KCNH5: variants seen among roughly 807,000 people sequenced by gnomAD.
KCNH5 encodes potassium voltage-gated channel subfamily H member 5, also known as voltage-gated delayed rectifier potassium channel KCNH5.
KCNH5 carries 46 observed loss-of-function variants against 96.1 expected under a neutral mutation model. That is an observed-to-expected ratio of 0.48 (90% CI 0.38 to 0.61). The LOEUF is 0.61. Among genes scored for constraint, KCNH5 ranks in the 20% least tolerant of loss-of-function variants. The pLI is 0.00. For synonymous variants in KCNH5, 439 were observed against 449.8 expected, an observed-to-expected ratio of 0.98 and a Z score of 0.30; for missense variants, 907 against 1,225.8, an observed-to-expected ratio of 0.74 and a Z score of 3.88.
At chr14:63,014,282 G>T (rs966301273) in intron 2 of KCNH5, among the ~76,000 whole-genome samples, 1 of 138,022 alleles carries the variant, frequency 7.2e-6, no homozygotes. Flanking sequence ...ATGCTATCCA[G>T]AGCATGTGAG....
At chr14:62,998,973 C>T (rs1890960887) in intron 4 of KCNH5, among the ~76,000 whole-genome samples, 1 of 152,098 alleles carries the variant, frequency 6.6e-6, no homozygotes, top group African/African-American at 2.4e-5. Context: ...AGCATTAAAC[C>T]TAAATATTGC....
chr14:62,767,575 GA>G (rs1463140844), intron 10 of KCNH5, among the ~76,000 whole-genome samples: 2 of 152,194 alleles, frequency 1.3e-5, no homozygotes, highest in Non-Finnish European at 2.9e-5. Flanking sequence ...CGCAGAAACA[GA>G]AAATCAAATA....
chr14:62,753,716 C>T (rs1291620334), intron 10 of KCNH5, among the ~76,000 whole-genome samples: 1 of 151,958 alleles, frequency 6.6e-6, no homozygotes, highest in Admixed American at 6.6e-5. Flanking sequence ...AGAAAAAAAC[C>T]CTTTTACCCT....
intron 7 of KCNH5, among the ~76,000 whole-genome samples, chr14:62,935,583 C>A (rs982359859): frequency 6.6e-6 from 1 of 152,266 alleles, no homozygotes; most frequent in South Asian, 2.1e-4. Context: ...AAAGGCTTCT[C>A]TTCTTCCTCT....
At chr14:62,772,010 A>AT (rs1885997492) in intron 10 of KCNH5, among the ~76,000 whole-genome samples, 3 of 151,966 alleles carry the variant, frequency 2.0e-5, no homozygotes, top group Admixed American at 2.0e-4. Flanking sequence ...AATCTTAGTT[A>AT]TTTTTTTCTT....
At chr14:62,844,213 A>AT (rs1210928926) in intron 8 of KCNH5, among the ~76,000 whole-genome samples, 1 of 151,990 alleles carries the variant, frequency 6.6e-6, no homozygotes, top group Non-Finnish European at 1.5e-5. Context: ...GCTTTTTCTG[A>AT]TTTTTTTCAA....
intron 7 of KCNH5, among the ~76,000 whole-genome samples, chr14:62,940,407 C>T: frequency 6.6e-6 from 1 of 152,130 alleles, no homozygotes; most frequent in East Asian, 1.9e-4. Flanking sequence ...TCCTGGATTG[C>T]TGCAACAGTC....
At chr14:62,820,598 T>G (rs1296934892) in intron 8 of KCNH5, among the ~76,000 whole-genome samples, 2 of 152,170 alleles carry the variant, frequency 1.3e-5, no homozygotes, top group Non-Finnish European at 2.9e-5. Context: ...GTATTTGGTT[T>G]TCTGTTTCTG....
At chr14:63,001,566 G>A in intron 3 of KCNH5, 107 bp from the exon 4 acceptor site, 1 of 1,008,290 alleles carries the variant, frequency 9.9e-7, no homozygotes. Flanking sequence ...AGCTGTGCCA[G>A]GAATCAACAC....
intron 10 of KCNH5, chr14:62,712,453 T>G: frequency 1.7e-6 from 1 of 587,774 alleles, no homozygotes; most frequent in South Asian, 2.0e-5. Context: ...ATTATTCTTT[T>G]ATCACAGAGA....
intron 9 of KCNH5, among the ~76,000 whole-genome samples, chr14:62,800,989 T>C (rs1886648411): frequency 6.6e-6 from 1 of 152,090 alleles, no homozygotes; most frequent in African/African-American, 2.4e-5. Flanking sequence ...ATATTATTTA[T>C]ATGCAGTTAA....
At chr14:62,727,595 T>C (rs1884956742) in intron 10 of KCNH5, among the ~76,000 whole-genome samples, 1 of 152,034 alleles carries the variant, frequency 6.6e-6, no homozygotes, top group South Asian at 2.1e-4. Context: ...ATAATAAGTG[T>C]TTGTCCCATC....
chr14:62,865,796 G>A (rs183489609), intron 7 of KCNH5, among the ~76,000 whole-genome samples: 6 of 152,232 alleles, frequency 3.9e-5, no homozygotes, highest in African/African-American at 1.4e-4. Flanking sequence ...GAGCTACCTT[G>A]TGCATTGCTT....
At chr14:62,970,297 AT>A (rs1329531156) in intron 6 of KCNH5, among the ~76,000 whole-genome samples, 2 of 152,158 alleles carry the variant, frequency 1.3e-5, no homozygotes, top group Admixed American at 6.5e-5. Flanking sequence ...AAGAAAAAAA[AT>A]AATCTGAATA....
intron 7 of KCNH5, among the ~76,000 whole-genome samples, chr14:62,889,146 T>C (rs1254073423): frequency 6.6e-6 from 1 of 152,116 alleles, no homozygotes; most frequent in African/African-American, 2.4e-5. Context: ...CTAGGTGATA[T>C]AAGTTATGTA....
intron 10 of KCNH5, among the ~76,000 whole-genome samples, chr14:62,754,963 A>G (rs1482199362): frequency 6.7e-6 from 1 of 150,262 alleles, no homozygotes; most frequent in Non-Finnish European, 1.5e-5. Flanking sequence ...AAAACTATAT[A>G]AAGAGACAAA....
chr14:63,014,347 A>G (rs1436384908), intron 2 of KCNH5, among the ~76,000 whole-genome samples: 1 of 152,196 alleles, frequency 6.6e-6, no homozygotes, highest in Non-Finnish European at 1.5e-5. Flanking sequence ...AAATACTGAC[A>G]TAAGACACTG....
intron 6 of KCNH5, among the ~76,000 whole-genome samples, chr14:62,958,599 C>T (rs114603168): frequency 0.023 from 3,475 of 152,216 alleles, 72 homozygotes; most frequent in African/African-American, 0.064. Context: ...AGTCCTTTCC[C>T]CAATGTATTA....
chr14:62,781,807 A>T (rs1290308555), intron 9 of KCNH5, among the ~76,000 whole-genome samples: 8 of 152,168 alleles, frequency 5.3e-5, no homozygotes, highest in African/African-American at 1.9e-4. Flanking sequence ...CAATTTGTGC[A>T]GTTAATGCAA....
Sources: gnomAD v4.1 joint callset for allele counts (sites outside exome capture counted in the v4.1 genomes callset) on GRCh38, gnomAD v4.1.1 for gene constraint, MANE v1.5 for transcripts, NCBI Gene and HGNC (gene_info 2026-07-23, HGNC 2026-07-21) for gene names.